Variants in PDE7A observed in about 807,000 individuals in gnomAD.
PDE7A encodes the protein phosphodiesterase 7A.
PDE7A carries 39 observed loss-of-function variants against 64.3 expected under a neutral mutation model. That is an observed-to-expected ratio of 0.61 (90% CI 0.47 to 0.79). PDE7A has a LOEUF of 0.79. Ranked by LOEUF, PDE7A falls within the 30% of genes least tolerant of loss-of-function variation. The pLI is 0.00. For synonymous variants in PDE7A, 203 were observed against 206.8 expected, an observed-to-expected ratio of 0.98 and a Z score of 0.16; for missense variants, 470 against 582.8, an observed-to-expected ratio of 0.81 and a Z score of 1.99.
chr8:65,827,237 A>G (rs988690155), intron 1 of PDE7A, among the ~76,000 whole-genome samples: 5 of 152,202 alleles, frequency 3.3e-5, no homozygotes, highest in Admixed American at 6.5e-5. Flanking sequence ...AACATTCAAC[A>G]GAAGAGATTT....
Position 65,766,197 on chromosome 8 carries a change from T to G in PDE7A, c.283+13523A>C, listed in dbSNP as rs1585894595. Among the ~76,000 whole-genome samples the G allele has an allele frequency of 2.0e-5, 3 of 152,258 alleles. 1 individual carries two copies. The highest frequency in any genetic ancestry group is 7.2e-5 in the African/African-American group (3 of 41,568). On this transcript the variant is annotated intron_variant, in intron 3 of 12. Transcript: ENST00000401827. ...CTGACCTCAGGTGATCCACCCGCCT[T>G]GGCCTCCCAAAGTGCTGGGATTACA... is the stretch of plus-strand genomic sequence containing the variant.
At chr8:65,800,846 G>C (rs1207194259) in intron 1 of PDE7A, among the ~76,000 whole-genome samples, 2 of 152,170 alleles carry the variant, frequency 1.3e-5, no homozygotes, top group African/African-American at 4.8e-5. Flanking sequence ...TGCTAGGCTA[G>C]AAAAAGAACA....
chr8:65,767,882 C>G (rs1424843269), intron 3 of PDE7A, among the ~76,000 whole-genome samples: 5 of 152,114 alleles, frequency 3.3e-5, no homozygotes, highest in Non-Finnish European at 7.4e-5. Context: ...TAATCCAACC[C>G]AAAAAGAGGG....
chr8:65,736,279 G>A (rs1426172544), intron 6 of PDE7A, among the ~76,000 whole-genome samples: 6 of 152,088 alleles, frequency 3.9e-5, no homozygotes, highest in Admixed American at 1.3e-4. Context: ...ATTTCATCAC[G>A]CTGCTCACAA....
At chr8:65,761,034 T>C (rs1275093260) in intron 3 of PDE7A, among the ~76,000 whole-genome samples, 1 of 152,092 alleles carries the variant, frequency 6.6e-6, no homozygotes, top group Non-Finnish European at 1.5e-5. Context: ...TATTACACAA[T>C]ATCTGACCTT....
At chr8:65,837,920 T>C (rs1810986799) in intron 1 of PDE7A, among the ~76,000 whole-genome samples, 2 of 152,116 alleles carry the variant, frequency 1.3e-5, no homozygotes, top group African/African-American at 4.8e-5. Flanking sequence ...TTTTGGATTT[T>C]CAGACTAGGG....
chr8:65,804,540 CT>C (rs762379703), intron 1 of PDE7A, among the ~76,000 whole-genome samples: 223 of 113,028 alleles, frequency 2.0e-3, no homozygotes, highest in East Asian at 5.0e-3. Context: ...CATTTTGTTG[CT>C]TTTTTTTTTT....
At chr8:65,833,170 G>A (rs992479232) in intron 1 of PDE7A, among the ~76,000 whole-genome samples, 1 of 152,158 alleles carries the variant, frequency 6.6e-6, no homozygotes, top group Admixed American at 6.6e-5. Context: ...CTGGAAGACA[G>A]CAATGCTCTG....
intron 1 of PDE7A, among the ~76,000 whole-genome samples, chr8:65,823,289 G>A (rs1233429226): frequency 3.3e-5 from 5 of 152,072 alleles, no homozygotes; most frequent in Non-Finnish European, 7.4e-5. Context: ...AATTTTCATT[G>A]TGAGACAAAG....
At chr8:65,774,367 T>G (rs1809198077) in intron 3 of PDE7A, among the ~76,000 whole-genome samples, 1 of 152,194 alleles carries the variant, frequency 6.6e-6, no homozygotes, top group South Asian at 2.1e-4. Context: ...AATGGTTCCC[T>G]CTTTATAATC....
intron 3 of PDE7A, among the ~76,000 whole-genome samples, chr8:65,749,028 T>C (rs143067875): frequency 3.3e-5 from 5 of 152,328 alleles, no homozygotes; most frequent in African/African-American, 9.6e-5. Context: ...ACGCTCCAAG[T>C]CTGGCTCTTT....
chr8:65,787,752 G>C (rs1365880423), intron 1 of PDE7A, among the ~76,000 whole-genome samples: 1 of 151,382 alleles, frequency 6.6e-6, no homozygotes, highest in Non-Finnish European at 1.5e-5. Context: ...AGACCAGCCT[G>C]GGCAACATAG....
chr8:65,746,621 CA>C (rs1807688791), intron 4 of PDE7A, among the ~76,000 whole-genome samples: 1 of 152,038 alleles, frequency 6.6e-6, no homozygotes, highest in Non-Finnish European at 1.5e-5. Context: ...ATTTTATATC[CA>C]AAAGTTCACT....
chr8:65,826,892 T>C (rs1350971547), intron 1 of PDE7A, among the ~76,000 whole-genome samples: 2 of 152,146 alleles, frequency 1.3e-5, no homozygotes, highest in Non-Finnish European at 2.9e-5. Flanking sequence ...CTCCCAGCAA[T>C]CCTTGGTGTT....
chr8:65,727,373 G>A, intron 7 of PDE7A, 72 bp from the exon 8 acceptor site: 2 of 1,578,856 alleles, frequency 1.3e-6, no homozygotes. Flanking sequence ...CAGTAGTTTT[G>A]AATTAGCAGC....
chr8:65,750,474 C>CTGTG (rs371620919), intron 3 of PDE7A, among the ~76,000 whole-genome samples: 13,902 of 142,368 alleles, frequency 0.098, 755 homozygotes, highest in Middle Eastern at 0.15. Flanking sequence ...ATTAGAATCA[C>CTGTG]TGTGTGTGTG....
At chr8:65,792,005 ATC>A (rs1275987937) in intron 1 of PDE7A, among the ~76,000 whole-genome samples, 1 of 152,162 alleles carries the variant, frequency 6.6e-6, no homozygotes, top group East Asian at 1.9e-4. Context: ...TTACTATAAA[ATC>A]TCTTTTACCA....
chr8:65,726,779 A>C, intron 9 of PDE7A, 96 bp downstream of exon 9: 1 of 671,706 alleles, frequency 1.5e-6, no homozygotes, highest in Non-Finnish European at 2.7e-6. Flanking sequence ...ACTGTGGAAC[A>C]CCTGAACATA....
At chr8:65,807,744 T>G (rs906558907) in intron 1 of PDE7A, among the ~76,000 whole-genome samples, 1 of 152,210 alleles carries the variant, frequency 6.6e-6, no homozygotes, top group African/African-American at 2.4e-5. Context: ...AAAATGGTGT[T>G]AGATTCTGTT....
Sources: gnomAD v4.1 joint callset for allele counts (sites outside exome capture counted in the v4.1 genomes callset) on GRCh38, gnomAD v4.1.1 for gene constraint, MANE v1.5 for transcripts, NCBI Gene and HGNC (gene_info 2026-07-23, HGNC 2026-07-21) for gene names.